ST8SIA5: variants seen among roughly 807,000 people sequenced by gnomAD.
ST8SIA5 encodes ST8 alpha-N-acetyl-neuraminide alpha-2,8-sialyltransferase 5.
A neutral mutation model predicts 40.2 loss-of-function variants in ST8SIA5; 24 were observed. The ratio of observed to expected loss-of-function variants is 0.60; its 90% CI spans 0.43 to 0.84. The LOEUF (loss-of-function observed/expected upper bound fraction) is 0.84. Ranked by LOEUF, ST8SIA5 falls within the 40% of genes least tolerant of loss-of-function variation. ST8SIA5 has a pLI of 0.00. For synonymous variants in ST8SIA5, 198 were observed against 201.8 expected (o/e 0.98, Z 0.16); for missense variants, 465 against 498.5 (o/e 0.93, Z 0.64).
chr18:46,746,849 A>G (rs2040145503), intron 1 of ST8SIA5, among the ~76,000 whole-genome samples: 1 of 152,234 alleles, frequency 6.6e-6, no homozygotes, highest in South Asian at 2.1e-4. Context: ...CCAAAACAGC[A>G]TAGTACTGGT....
At chr18:46,716,086 G>GGATAGATAGATAGATA (rs61514320) in intron 1 of ST8SIA5, among the ~76,000 whole-genome samples, 3,482 of 139,718 alleles carry the variant, frequency 0.025, 69 homozygotes, top group Non-Finnish European at 0.031. Context: ...GAGTCACACA[G>GGATAGATAGATAGATA]GATAGATAGA....
chr18:46,738,022 C>T (rs1184455227), intron 1 of ST8SIA5, among the ~76,000 whole-genome samples: 1 of 152,046 alleles, frequency 6.6e-6, no homozygotes, highest in Admixed American at 6.6e-5. Context: ...CTGCCCACCT[C>T]GGCCTCTCAA....
In ST8SIA5 at chr18:46,674,521, G is replaced by A. The variant is rs1431452868; in HGVS notation, c.*5521C>T. 6.6e-6 allele frequency: 1 copy of A among 152,208 alleles called. No homozygotes were observed. Among genetic ancestry groups the A allele is most frequent in the Non-Finnish European group, 1.5e-5 (1 of 68,048 alleles). The allele number at this position is 152,208 out of a possible 1,614,324, so 9.4% of individuals were successfully genotyped here. On this transcript the variant is annotated 3_prime_UTR_variant, in exon 7 of 7. Coordinates refer to ENST00000315087, the MANE Select transcript of ST8SIA5 (RefSeq NM_013305.6). ...TATTAGCGGGGTATCCTGAACTGCT[G>A]GAGTCCCCCAGGAACCAGAGACCTC... is the stretch of plus-strand genomic sequence containing the variant.
At position 46,679,011 on chromosome 18, in the gene ST8SIA5, C is replaced by T. The variant is rs929898394; in HGVS notation, c.*1031G>A. 4 of 152,268 alleles carry T rather than the reference C, an allele frequency of 2.6e-5. No homozygotes were observed. The highest frequency in any genetic ancestry group is 2.1e-4 in the South Asian group (1 of 4,834). The allele number at this position is 152,268 out of a possible 1,614,324, so 9.4% of individuals were successfully genotyped here. The stretch of plus-strand genomic sequence containing the variant: ...GATGCTGGTGTCGGAGGCCACAACT[C>T]GTTTCTCTCTGCTAAGCTCACCACC... On this transcript the variant is annotated 3_prime_UTR_variant, in exon 7 of 7. Coordinates refer to ENST00000315087, the MANE Select transcript of ST8SIA5 (RefSeq NM_013305.6).
intron 1 of ST8SIA5, among the ~76,000 whole-genome samples, chr18:46,746,535 G>A (rs1382341680): frequency 6.6e-6 from 1 of 152,140 alleles, no homozygotes; most frequent in Non-Finnish European, 1.5e-5. Context: ...TCTTCAAGGA[G>A]AACTACAAAC....
intron 4 of ST8SIA5, among the ~76,000 whole-genome samples, chr18:46,688,565 C>G (rs1028945540): frequency 6.6e-6 from 1 of 152,238 alleles, no homozygotes; most frequent in Non-Finnish European, 1.5e-5. Flanking sequence ...AAATCATAGA[C>G]AGTTGGCAGT....
intron 1 of ST8SIA5, among the ~76,000 whole-genome samples, chr18:46,724,136 G>A: frequency 6.6e-6 from 1 of 152,190 alleles, no homozygotes; most frequent in East Asian, 1.9e-4. Context: ...TGCCTTCAAA[G>A]TCTTTGACTG....
chr18:46,680,501 C>T lies in ST8SIA5; in HGVS notation c.672G>A (p.Lys224=), dbSNP rs1388580530. 2 of 1,589,990 alleles carry T rather than the reference C, an allele frequency of 1.3e-6. No individual in the cohort carries two copies. Among genetic ancestry groups the T allele is most frequent in the African/African-American group, 2.7e-5 (2 of 74,586 alleles). Residue 224 remains lysine, a synonymous_variant, in exon 7 of 7, where the codon AAG becomes AAA. Transcript: ENST00000315087. ...AGAACGGCCGCCGCCACTTCTCCAG[C>T]TTGTGGAACCTACACAGGGCGCGAG... is the stretch of plus-strand genomic sequence containing the variant. ...NPSIITERFH[K]LEKWRRPFYR...
At chr18:46,689,270 A>T (rs905866925) in intron 3 of ST8SIA5, among the ~76,000 whole-genome samples, 5 of 152,148 alleles carry the variant, frequency 3.3e-5, no homozygotes, top group African/African-American at 1.2e-4. Context: ...AGCCCCACCC[A>T]GCTGCCCCTG....
At chr18:46,749,009 A>T (rs2040170446) in intron 1 of ST8SIA5, among the ~76,000 whole-genome samples, 1 of 152,252 alleles carries the variant, frequency 6.6e-6, no homozygotes, top group African/African-American at 2.4e-5. Context: ...CCATACAATG[A>T]AATATTATTC....
chr18:46,708,137 T>C (rs914169421), intron 1 of ST8SIA5, among the ~76,000 whole-genome samples: 2 of 152,094 alleles, frequency 1.3e-5, no homozygotes, highest in Non-Finnish European at 2.9e-5. Flanking sequence ...TTCCCCTCTG[T>C]CCTCTTTGTC....
At position 46,703,531 on chromosome 18, in the gene ST8SIA5, G is replaced by A. The variant is rs186332542; in HGVS notation, c.224+1041C>T. On this transcript the variant is annotated intron_variant, in intron 2 of 6. Transcript: ENST00000315087. ...TGCAGAAAGATTCACATATGCCAAG[G>A]CCCAGAGTCAGCTTTAGATCTCAGG... 2.0e-5 allele frequency among the ~76,000 whole-genome samples: 3 copies of A among 152,168 alleles called. No homozygotes were observed. The East Asian group carries it at 5.8e-4, about 29-fold the overall frequency.
chr18:46,682,969 C>T (rs535955991), intron 5 of ST8SIA5, among the ~76,000 whole-genome samples: 5 of 152,212 alleles, frequency 3.3e-5, no homozygotes, highest in Middle Eastern at 3.2e-3. Flanking sequence ...TCCAGTGAGA[C>T]TTCTGACCTC....
In ST8SIA5 at chr18:46,688,862, G is replaced by A. The variant is rs2039474674; in HGVS notation, c.369C>T (p.Asn123=). The A allele has an allele frequency of 1.2e-6, 2 of 1,614,068 alleles. No individual in the cohort carries two copies. Among genetic ancestry groups the A allele is most frequent in the African/African-American group, 1.3e-5 (1 of 74,946 alleles). ...ACTTGAGCTTTGTCCCCAGGGGAGT[G>A]TTCTTCTGGGTGGTGAAGAGAAAGG... ...APAFLFTTQK[N]TPLGTKLKYE... Residue 123 remains asparagine, a synonymous_variant, in exon 4 of 7, where the codon AAC becomes AAT. Coordinates refer to ENST00000315087, the MANE Select transcript of ST8SIA5 (RefSeq NM_013305.6).
intron 1 of ST8SIA5, among the ~76,000 whole-genome samples, chr18:46,714,632 G>A (rs533706543): frequency 4.2e-4 from 64 of 152,246 alleles, no homozygotes; most frequent in African/African-American, 1.2e-3. Flanking sequence ...AGTGCTGTGC[G>A]TCTGGGGCGA....
At chr18:46,721,413 A>T in intron 1 of ST8SIA5, 1 of 1,536,100 alleles carries the variant, frequency 6.5e-7, no homozygotes, top group East Asian at 2.4e-5. Context: ...CGTGACATTA[A>T]AGAGCCCCGT....
At chr18:46,715,140 A>C (rs986664852) in intron 1 of ST8SIA5, among the ~76,000 whole-genome samples, 2 of 152,196 alleles carry the variant, frequency 1.3e-5, no homozygotes, top group Non-Finnish European at 2.9e-5. Flanking sequence ...CTGCATCTCC[A>C]AATCCTTCCC....
rs1469345224 is a variant in ST8SIA5, at chr18:46,671,003, G to A, written c.*9039C>T. The A allele has an allele frequency of 6.6e-6, 1 of 152,170 alleles. No individual in the cohort carries two copies. The highest frequency in any genetic ancestry group is 1.5e-5 in the Non-Finnish European group (1 of 68,042). The allele number at this position is 152,170 out of a possible 1,614,324, so 9.4% of individuals were successfully genotyped here. On this transcript the variant is annotated 3_prime_UTR_variant, in exon 7 of 7. Coordinates refer to ENST00000315087, the MANE Select transcript of ST8SIA5 (RefSeq NM_013305.6). Reference sequence around the variant, plus strand: ...TTGGCCCTTGATACACAGCTTTATAGCATCTATTTTCAGGGGCTCAAAATT... The same window carrying A: ...TTGGCCCTTGATACACAGCTTTATAACATCTATTTTCAGGGGCTCAAAATT...
chr18:46,753,879 G>A (rs773202158), intron 1 of ST8SIA5, among the ~76,000 whole-genome samples: 21 of 152,086 alleles, frequency 1.4e-4, no homozygotes, highest in Admixed American at 2.6e-4. Flanking sequence ...CTTGCAGATC[G>A]CCTGGGGAGC....
Sources: allele counts gnomAD v4.1 joint callset (sites outside exome capture counted in the v4.1 genomes callset), GRCh38; gene constraint gnomAD v4.1.1; transcripts MANE v1.5; gene names NCBI Gene and HGNC (gene_info 2026-07-23, HGNC 2026-07-21).